C8orf89: variants seen among roughly 807,000 people sequenced by gnomAD.
The protein encoded by C8orf89 is putative uncharacterized protein C8orf89.
C8orf89 carries 14 observed loss-of-function variants against 15.8 expected under a neutral mutation model. The ratio of observed to expected loss-of-function variants is 0.89; its 90% CI spans 0.59 to 1.39. The LOEUF (loss-of-function observed/expected upper bound fraction) is 1.39. Among genes scored for constraint, C8orf89 ranks in the 40% most tolerant of loss-of-function variants. C8orf89 has a pLI of 0.00. For missense variants in C8orf89, 181 were observed against 184.5 expected (o/e 0.98, Z 0.11); for synonymous variants, 55 against 62.2 (o/e 0.88, Z 0.54).
upstream of C8orf89, among the ~76,000 whole-genome samples, chr8:73,259,841 T>G (rs2546215): frequency 0.34 from 51,888 of 152,054 alleles, 12,214 homozygotes; most frequent in African/African-American, 0.68. Context: ...AATCAATCAC[T>G]TACCCTGCTT....
intron 2 of C8orf89, among the ~76,000 whole-genome samples, chr8:73,256,725 T>C (rs1276246405): frequency 2.6e-5 from 1 of 39,110 alleles, no homozygotes; most frequent in African/African-American, 1.5e-4. Context: ...AGACTCTGTC[T>C]CAAAAAAAAA....
At chr8:73,261,525 C>T (rs115161221), upstream of C8orf89, among the ~76,000 whole-genome samples, 1,064 of 152,070 alleles carry the variant, frequency 7.0e-3, 13 homozygotes, top group African/African-American at 0.025. Flanking sequence ...TAGGGAGAGG[C>T]GAGCCCTCCC....
the C8orf89 span, chr8:73,277,909 C>T: frequency 2.5e-5 from 17 of 678,068 alleles, no homozygotes; most frequent in Non-Finnish European, 4.8e-5. Context: ...CCAGGTACTC[C>T]AGTGCCGCTT....
chr8:73,278,359 C>T, the C8orf89 span, among the ~76,000 whole-genome samples: 4 of 152,172 alleles, frequency 2.6e-5, no homozygotes, highest in Non-Finnish European at 2.9e-5. Flanking sequence ...AAGCTGACTC[C>T]TTCACAATGC....
chr8:73,267,566 G>A, the C8orf89 span, among the ~76,000 whole-genome samples: 1 of 152,174 alleles, frequency 6.6e-6, no homozygotes, highest in Non-Finnish European at 1.5e-5. Context: ...GTTTCTCACA[G>A]TATCTCAACT....
chr8:73,250,352 CT>C, intron 2 of C8orf89, 29 bp from the exon 3 acceptor site: 1 of 1,337,656 alleles, frequency 7.5e-7, no homozygotes. Context: ...CATAAAATTA[CT>C]TACATATAAA....
At chr8:73,284,340 A>T in the C8orf89 span, among the ~76,000 whole-genome samples, 1 of 149,184 alleles carries the variant, frequency 6.7e-6, no homozygotes, top group Non-Finnish European at 1.5e-5. Context: ...CAGCCTCCTG[A>T]GTAGCTGGGA....
the C8orf89 span, among the ~76,000 whole-genome samples, chr8:73,273,661 C>T: frequency 6.6e-6 from 1 of 151,856 alleles, no homozygotes; most frequent in Non-Finnish European, 1.5e-5. Flanking sequence ...CCCAGTGAAG[C>T]CTGAAGCCTG....
the C8orf89 span, among the ~76,000 whole-genome samples, chr8:73,284,403 G>A: frequency 6.6e-6 from 1 of 151,762 alleles, no homozygotes; most frequent in East Asian, 1.9e-4. Context: ...TAGTGGAGAC[G>A]GGGTTTCACC....
At chr8:73,242,152 A>G (rs530258871) in intron 3 of C8orf89, among the ~76,000 whole-genome samples, 10 of 152,316 alleles carry the variant, frequency 6.6e-5, no homozygotes, top group Middle Eastern at 3.4e-3. Flanking sequence ...AGATCACATC[A>G]AGTTATTAAT....
chr8:73,250,697 T>G (rs1455551370), intron 2 of C8orf89, among the ~76,000 whole-genome samples: 2 of 152,212 alleles, frequency 1.3e-5, no homozygotes, highest in African/African-American at 4.8e-5. Flanking sequence ...GTCATAATTT[T>G]GTTCCCACTG....
At chr8:73,273,671 G>C in the C8orf89 span, among the ~76,000 whole-genome samples, 1 of 152,216 alleles carries the variant, frequency 6.6e-6, no homozygotes, top group South Asian at 2.1e-4. Flanking sequence ...CCTGAAGCCT[G>C]GGGCCCAGGC....
chr8:73,246,226 A>T (rs2546224), intron 3 of C8orf89, among the ~76,000 whole-genome samples: 51,829 of 152,138 alleles, frequency 0.34, 12,192 homozygotes, highest in African/African-American at 0.68. Flanking sequence ...AAGTATTTAC[A>T]GAAGACTTAC....
At chr8:73,265,562 G>A in the C8orf89 span, among the ~76,000 whole-genome samples, 178 of 152,316 alleles carry the variant, frequency 1.2e-3, 1 homozygote, top group African/African-American at 4.0e-3. Flanking sequence ...TTATAGAGTC[G>A]TTGCTGGGCA....
chr8:73,254,257 C>G (rs917531336), intron 2 of C8orf89, among the ~76,000 whole-genome samples: 1 of 151,900 alleles, frequency 6.6e-6, no homozygotes, highest in African/African-American at 2.4e-5. Flanking sequence ...ATATATTGAA[C>G]CAGCCTTGCA....
the C8orf89 span, among the ~76,000 whole-genome samples, chr8:73,278,450 C>T: frequency 1.3e-5 from 2 of 152,136 alleles, no homozygotes; most frequent in Non-Finnish European, 2.9e-5. Flanking sequence ...CCTACCCTGA[C>T]GCCCGGGCGC....
chr8:73,263,443 A>G (rs1053940801), upstream of C8orf89, among the ~76,000 whole-genome samples: 2 of 150,610 alleles, frequency 1.3e-5, no homozygotes, highest in Non-Finnish European at 3.0e-5. Flanking sequence ...GAACCTGAGA[A>G]GTAGAGGTTG....
chr8:73,268,849 A>G, the C8orf89 span, among the ~76,000 whole-genome samples: 1 of 152,082 alleles, frequency 6.6e-6, no homozygotes, highest in Non-Finnish European at 1.5e-5. Context: ...TTATTATATA[A>G]CTCTTTCTAC....
the C8orf89 span, among the ~76,000 whole-genome samples, chr8:73,284,960 T>C: frequency 0.2 from 29,961 of 152,174 alleles, 3,020 homozygotes; most frequent in Middle Eastern, 0.23. Context: ...TATGGGAAAA[T>C]GACCAGTACA....
Sources: allele counts gnomAD v4.1 joint callset (sites outside exome capture counted in the v4.1 genomes callset), GRCh38; gene constraint gnomAD v4.1.1; transcripts MANE v1.5; gene names NCBI Gene and HGNC (gene_info 2026-07-23, HGNC 2026-07-21).